Variants in UNC45B observed in about 807,000 individuals in gnomAD.
The protein encoded by UNC45B is protein unc-45 homolog B.
Under a neutral mutation model 98.7 loss-of-function variants are expected in UNC45B, and 78 were observed. The observed-to-expected ratio is 0.79, with a 90% CI of 0.66 to 0.95. UNC45B has a LOEUF of 0.95. Among genes scored for constraint, UNC45B ranks in the 40% least tolerant of loss-of-function variants. The probability of loss-of-function intolerance (pLI) is 0.00; values close to 1 mark genes in which losing one functional copy is unlikely to be tolerated. For synonymous variants in UNC45B, 462 were observed against 480.4 expected, an observed-to-expected ratio of 0.96 and a Z score of 0.50; for missense variants, 1,225 against 1,184.9, an observed-to-expected ratio of 1.03 and a Z score of -0.50.
intron 17 of UNC45B, among the ~76,000 whole-genome samples, chr17:35,177,815 TTTTTCTTTCCTTTTC>T (rs1256159286): frequency 6.6e-6 from 1 of 151,798 alleles, no homozygotes; most frequent in East Asian, 1.9e-4. Flanking sequence ...TCTTTTCTTT[TTTTTCTTTCCTTTTC>T]TTTTCTTTTG....
chr17:35,149,947 C>T, intron 3 of UNC45B, 101 bp from the exon 4 acceptor site: 2 of 1,284,414 alleles, frequency 1.6e-6, no homozygotes. Flanking sequence ...AAGGAAGACA[C>T]AGAAACGAAG....
intron 4 of UNC45B, chr17:35,151,145 G>A: frequency 4.7e-6 from 1 of 214,160 alleles, no homozygotes; most frequent in Non-Finnish European, 9.3e-6. Context: ...ATTCGGCGCT[G>A]GGCTCTTCCC....
intron 18 of UNC45B, among the ~76,000 whole-genome samples, 160 bp downstream of exon 18, chr17:35,180,836 C>A (rs1452288185): frequency 6.6e-6 from 1 of 152,024 alleles, no homozygotes; most frequent in African/African-American, 2.4e-5. Flanking sequence ...AGATTATAGC[C>A]CCCCTCCCTG....
rs536118265 is a variant in UNC45B at position 35,158,162 on chromosome 17, G to A, written c.809-1213G>A. ...AAATATTGGGATTACAGGCCACTGC[G>A]CCCAGCCCTGAAGTCCTGGATTCTT... On this transcript the variant is annotated intron_variant, in intron 7 of 19. Transcript: ENST00000394570. Among the ~76,000 whole-genome samples, 31 of 152,312 alleles carry A rather than the reference G, an allele frequency of 2.0e-4. 1 individual carries two copies. The highest frequency in any genetic ancestry group is 3.4e-3 in the Middle Eastern group (1 of 294).
At chr17:35,183,629 A>T in intron 19 of UNC45B, 47 bp downstream of exon 19, 1 of 1,451,206 alleles carries the variant, frequency 6.9e-7, no homozygotes, top group East Asian at 2.5e-5. Context: ...GCTCCAGGGA[A>T]TCTCCCCACC....
intron 13 of UNC45B, 139 bp from the exon 14 acceptor site, chr17:35,174,103 G>T: frequency 8.2e-7 from 1 of 1,226,502 alleles, no homozygotes; most frequent in Admixed American, 1.9e-5. Flanking sequence ...GAGCCACTGT[G>T]CCTGGCCAGG....
rs989591372 is a variant in UNC45B, at chr17:35,183,122, C to T, written c.2374-305C>T. 8.6e-5 allele frequency among the ~76,000 whole-genome samples: 13 copies of T among 151,522 alleles called. No individual in the cohort carries two copies. In the East Asian group the frequency reaches 1.7e-3, roughly 20 times the overall value. On this transcript the variant is annotated intron_variant, in intron 18 of 19. Coordinates refer to ENST00000394570, the MANE Select transcript of UNC45B (RefSeq NM_001267052.2). The stretch of plus-strand genomic sequence containing the variant: ...CCCCAAAGGGATGGGAAATACAGTT[C>T]CTCAGGCATCATCTACCCTGCAGGA...
Position 35,188,760 on chromosome 17 carries a change from C to A in UNC45B, c.*2201C>A, listed in dbSNP as rs2092317653. The stretch of plus-strand genomic sequence containing the variant: ...GAAGATCTAGAGGAAAGCTGAATTC[C>A]TTCATCTGATTTTTGCCACTGGGCT... On this transcript the variant is annotated 3_prime_UTR_variant, in exon 20 of 20. Transcript: ENST00000394570. The A allele has an allele frequency of 6.6e-6, 1 of 152,092 alleles. No homozygotes were observed. Among genetic ancestry groups the A allele is most frequent in the Non-Finnish European group, 1.5e-5 (1 of 68,014 alleles). The allele number at this position is 152,092 out of a possible 1,614,324, so 9.4% of individuals were successfully genotyped here.
intron 16 of UNC45B, 93 bp downstream of exon 16, chr17:35,177,223 CA>C: frequency 8.3e-7 from 1 of 1,198,682 alleles, no homozygotes. Flanking sequence ...GAGCCTGGGA[CA>C]GGGGCATGGT....
intron 14 of UNC45B, among the ~76,000 whole-genome samples, chr17:35,175,591 G>A (rs1460987707): frequency 6.6e-6 from 1 of 152,186 alleles, no homozygotes; most frequent in African/African-American, 2.4e-5. Context: ...CCTGCAATAT[G>A]TCTGGGGCAG....
intron 19 of UNC45B, among the ~76,000 whole-genome samples, chr17:35,184,955 A>G (rs1160283050): frequency 1.3e-5 from 2 of 152,062 alleles, no homozygotes; most frequent in Non-Finnish European, 2.9e-5. Flanking sequence ...CTGGAATCCT[A>G]TCCTTGTTGA....
At chr17:35,149,954 G>A (rs2092004377) in intron 3 of UNC45B, 94 bp from the exon 4 acceptor site, 11 of 1,336,878 alleles carry the variant, frequency 8.2e-6, no homozygotes, top group Admixed American at 2.6e-5. Flanking sequence ...ACACAGAAAC[G>A]AAGCAAGAGC....
At position 35,167,559 on chromosome 17, in the gene UNC45B, T is replaced by G. The variant is rs2092149698; in HGVS notation, c.1152-502T>G. ...ATTGCTTGAGCTTAGGGGTTTGAGGTCACAGTGAGCTATGATGGCACCAGT... is the reference window on the plus strand; with the variant it reads ...ATTGCTTGAGCTTAGGGGTTTGAGGGCACAGTGAGCTATGATGGCACCAGT... On this transcript the variant is annotated intron_variant, in intron 9 of 19. Transcript: ENST00000394570. 1.3e-5 allele frequency among the ~76,000 whole-genome samples: 2 copies of G among 150,428 alleles called. 1 individual carries two copies. Among genetic ancestry groups the G allele is most frequent in the South Asian group, 4.2e-4 (2 of 4,784 alleles).
chr17:35,161,395 C>A (rs1366494152), intron 8 of UNC45B, among the ~76,000 whole-genome samples: 2 of 151,968 alleles, frequency 1.3e-5, no homozygotes, highest in African/African-American at 4.8e-5. Flanking sequence ...AGAGAAGGGG[C>A]AAAGATAGAC....
In UNC45B at chr17:35,150,086, C is replaced by T. The variant is rs568137119; in HGVS notation, c.244C>T (p.Arg82Trp). The T allele has an allele frequency of 1.3e-5, 21 of 1,612,606 alleles. No homozygotes were observed. The highest frequency in any genetic ancestry group is 4.5e-5 in the East Asian group (2 of 44,778). Residue 82 changes from arginine (R) to tryptophan (W), a missense_variant, in exon 4 of 20, where the codon CGG becomes TGG. Transcript: ENST00000394570. ...INSSDIKALY[R>W]RCQALEHLGK... ...CTCCTCGGACATCAAGGCTCTGTATCGGCGATGCCAGGCACTGGAGCACCT... is the reference window on the plus strand; with the variant it reads ...CTCCTCGGACATCAAGGCTCTGTATTGGCGATGCCAGGCACTGGAGCACCT...
intron 7 of UNC45B, among the ~76,000 whole-genome samples, chr17:35,158,104 G>A (rs780760633): frequency 1.1e-4 from 16 of 152,130 alleles, no homozygotes; most frequent in Non-Finnish European, 1.9e-4. Context: ...TCAAACCCCT[G>A]GCCTCAAGTG....
Position 35,152,879 on chromosome 17 carries a change from T to C in UNC45B, c.382-14T>C. 6.2e-7 allele frequency: 1 copy of C among 1,611,992 alleles called. No homozygotes were observed. The highest frequency in any genetic ancestry group is 1.1e-5 in the South Asian group (1 of 91,022). On this transcript the variant is annotated splice_polypyrimidine_tract_variant and intron_variant, in intron 4 of 19. Transcript: ENST00000394570. ...CCCACCTGCCTCCTTCCCCACTCCC[T>C]CCTCTCTCCTCAGCTCCGAGTGCAG... is the stretch of plus-strand genomic sequence containing the variant.
At chr17:35,185,347 G>A (rs571805347) in intron 19 of UNC45B, among the ~76,000 whole-genome samples, 66 of 151,332 alleles carry the variant, frequency 4.4e-4, no homozygotes, top group African/African-American at 1.4e-3. Flanking sequence ...TTGCTCTTTT[G>A]CCCAGGCTGG....
At chr17:35,181,077 A>G (rs2092270541) in intron 18 of UNC45B, among the ~76,000 whole-genome samples, 1 of 152,214 alleles carries the variant, frequency 6.6e-6, no homozygotes, top group Non-Finnish European at 1.5e-5. Flanking sequence ...AGAAATGCCA[A>G]ATACAGTTAT....
Sources: gnomAD v4.1 joint callset for allele counts (sites outside exome capture counted in the v4.1 genomes callset) on GRCh38, gnomAD v4.1.1 for gene constraint, MANE v1.5 for transcripts, NCBI Gene and HGNC (gene_info 2026-07-23, HGNC 2026-07-21) for gene names.